The following C1RL variants were observed in gnomAD, a reference collection of about 807,000 sequenced individuals.
The protein encoded by C1RL is complement C1r subcomponent like.
Under a neutral mutation model 27.9 loss-of-function variants are expected in C1RL, and 27 were observed. That is an observed-to-expected ratio of 0.97 (90% CI 0.71 to 1.33). C1RL has a LOEUF of 1.33. Among genes scored for constraint, C1RL ranks in the 40% most tolerant of loss-of-function variants. C1RL has a pLI of 0.00. For synonymous variants in C1RL, 248 were observed against 252.1 expected (o/e 0.98, Z 0.15); for missense variants, 563 against 623.9 (o/e 0.90, Z 1.04).
chr12:7,100,773 C>T (rs757225689), intron 3 of C1RL, among the ~76,000 whole-genome samples: 11 of 151,662 alleles, frequency 7.3e-5, no homozygotes, highest in Non-Finnish European at 1.0e-4. Flanking sequence ...GGCAATAGAG[C>T]GAGACTCTGT....
chr12:7,099,337 G>T (rs1244853043), intron 5 of C1RL: 2 of 320,430 alleles, frequency 6.2e-6, no homozygotes, highest in African/African-American at 4.5e-5. Flanking sequence ...GTGGCATCTA[G>T]GTAGGGAGAT....
rs192233393 is a variant in C1RL at position 7,095,556 on chromosome 12, C to T, written c.*835G>A. The T allele has an allele frequency of 3.0e-5, 30 of 985,984 alleles. No individual in the cohort carries two copies. In the East Asian group the frequency reaches 2.0e-3, roughly 67 times the overall value. The allele number at this position is 985,984 out of a possible 1,614,324, so 61.1% of individuals were successfully genotyped here. A position where few individuals can be genotyped will look rare whatever the true frequency, so the allele number is the denominator to read the frequency against. ...ACCTGGCTTCTGCAGGAGATGGGGCCATTAGGAAAGTGTGAGCTAGAGGAT... is the reference window on the plus strand; with the variant it reads ...ACCTGGCTTCTGCAGGAGATGGGGCTATTAGGAAAGTGTGAGCTAGAGGAT... On this transcript the variant is annotated 3_prime_UTR_variant, in exon 6 of 6. Coordinates refer to ENST00000266542, the MANE Select transcript of C1RL (RefSeq NM_016546.4).
chr12:7,098,967 G>A (rs749241750), intron 5 of C1RL, among the ~76,000 whole-genome samples: 3 of 151,460 alleles, frequency 2.0e-5, no homozygotes, highest in South Asian at 2.1e-4. Flanking sequence ...AGGCTGAGGC[G>A]GGACGATCAC....
At position 7,096,401 on chromosome 12, in the gene C1RL, C is replaced by T; in HGVS notation, c.1454G>A (p.Gly485Asp). ...TTCAAGCCCCCAGGGTCAATTCTTG[C>T]CATTCATCACTCCCTTGATCCAGTC... ...YVDWIKGVMNGKN is the reference protein window; with the variant it reads ...YVDWIKGVMNDKN The change falls in exon 6 of 6, where the codon GGC becomes GAC. Residue 485 changes from glycine to aspartate, a missense_variant. Gly to Asp is a moderately conservative substitution (Grantham distance 94). Coordinates refer to ENST00000266542, the MANE Select transcript of C1RL (RefSeq NM_016546.4). 1 of 1,600,218 alleles carries T rather than the reference C, an allele frequency of 6.2e-7. No individual in the cohort carries two copies. Among genetic ancestry groups the T allele is most frequent in the Non-Finnish European group, 8.5e-7 (1 of 1,171,866 alleles).
intron 2 of C1RL, among the ~76,000 whole-genome samples, chr12:7,106,520 G>A (rs946606062): frequency 6.6e-6 from 1 of 152,134 alleles, no homozygotes; most frequent in Admixed American, 6.5e-5. Context: ...AATGTGTGAC[G>A]GCTTAGAGAG....
chr12:7,108,991 G>C, intron 1 of C1RL, 119 bp downstream of exon 1: 2 of 240,348 alleles, frequency 8.3e-6, no homozygotes, highest in African/African-American at 6.8e-5. Flanking sequence ...GTGTGTGTGG[G>C]GGGGGGGGGG....
intron 2 of C1RL, among the ~76,000 whole-genome samples, chr12:7,106,168 T>A (rs187002562): frequency 6.6e-6 from 1 of 152,252 alleles, no homozygotes; most frequent in Admixed American, 6.5e-5. Flanking sequence ...ATTCCAAAAG[T>A]TCTAGAGAGA....
chr12:7,101,108 TC>T (rs1565636785), intron 3 of C1RL, among the ~76,000 whole-genome samples: 1 of 17,266 alleles, frequency 5.8e-5, no homozygotes. Context: ...CCTCCTTCCT[TC>T]CCTCCCTCCC....
At chr12:7,107,047 T>C (rs1036973159) in intron 2 of C1RL, among the ~76,000 whole-genome samples, 3 of 152,126 alleles carry the variant, frequency 2.0e-5, no homozygotes, top group African/African-American at 4.8e-5. Flanking sequence ...TATTTATACA[T>C]ATGAAGTTAA....
intron 2 of C1RL, among the ~76,000 whole-genome samples, chr12:7,103,612 G>C (rs1025851184): frequency 6.6e-6 from 1 of 152,194 alleles, no homozygotes; most frequent in Non-Finnish European, 1.5e-5. Flanking sequence ...ACATTTACTG[G>C]TTGTGTACTA....
At chr12:7,105,784 T>A (rs1419614563) in intron 2 of C1RL, among the ~76,000 whole-genome samples, 1 of 152,188 alleles carries the variant, frequency 6.6e-6, no homozygotes, top group Admixed American at 6.5e-5. Flanking sequence ...AAAAGGCACA[T>A]TTAGAAAATT....
intron 5 of C1RL, among the ~76,000 whole-genome samples, chr12:7,099,143 T>C (rs1389974393): frequency 7.0e-6 from 1 of 143,698 alleles, no homozygotes; most frequent in African/African-American, 2.6e-5. Context: ...GAGAATCGCT[T>C]GAACCCAGGA....
Position 7,102,051 on chromosome 12 carries a change from C to T in C1RL, c.337G>A (p.Gly113Ser). The change falls in exon 3 of 6, where the codon GGT (glycine) becomes AGT (serine). Residue 113 changes from glycine (G) to serine (S), a missense_variant. Gly to Ser is a moderately conservative substitution (Grantham distance 56). Transcript: ENST00000266542. ...CTGCCCAGAGGGGAGCCTTGCTGAC[C>T]ACAGAACTGGCTTGGATCCGAACCG... Reference protein sequence around the residue: ...FVGSDPSQFCGQQGSPLGRPP... With the variant: ...FVGSDPSQFCSQQGSPLGRPP... The T allele has an allele frequency of 1.2e-6, 2 of 1,613,272 alleles. No individual in the cohort carries two copies. The highest frequency in any genetic ancestry group is 1.7e-6 in the Non-Finnish European group (2 of 1,179,274).
chr12:7,108,973 GTGTGTGTGTGTGTGT>G (rs1333750805), intron 1 of C1RL, 122 bp downstream of exon 1: 158 of 372,082 alleles, frequency 4.2e-4, no homozygotes, highest in Non-Finnish European at 6.1e-4. Context: ...GGAGGTGTGT[GTGTGTGTGTGTGTGT>G]GGGGGGGGGG....
chr12:7,098,870 G>A (rs1331455112), intron 5 of C1RL, among the ~76,000 whole-genome samples: 2 of 152,062 alleles, frequency 1.3e-5, no homozygotes, highest in African/African-American at 2.4e-5. Flanking sequence ...ACAACATTGT[G>A]AACACACTAA....
In C1RL at chr12:7,099,972, T is replaced by C. The variant is rs769444687; in HGVS notation, c.545A>G (p.Asn182Ser). ...SEASRGSEAI[N>S]APGDNPAKVQ... The stretch of plus-strand genomic sequence containing the variant: ...CTTGGCAGGGTTGTCTCCAGGTGCG[T>C]TGATGGCCTCAGAGCCCCTGCTGGC... Residue 182 changes from asparagine to serine, a missense_variant, in exon 4 of 6, where the codon AAC becomes AGC. Transcript: ENST00000266542. 1.4e-5 allele frequency: 22 copies of C among 1,613,896 alleles called. No individual in the cohort carries two copies. The Middle Eastern group carries it at 8.2e-4, about 60-fold the overall frequency.
In C1RL at chr12:7,096,767, T is replaced by C. The variant is rs750845784; in HGVS notation, c.1088A>G (p.Asn363Ser). 2.5e-6 allele frequency: 4 copies of C among 1,608,144 alleles called. No homozygotes were observed. The highest frequency in any genetic ancestry group is 2.5e-6 in the Non-Finnish European group (3 of 1,176,630). The stretch of plus-strand genomic sequence containing the variant: ...CAAGCCGCTGCGGTAGAGGGTCTCA[T>C]TATCGGGCAGACAGACCGGGAGGAC... ...PNVLPVCLPD[N>S]ETLYRSGLLG... The change falls in exon 6 of 6, where the codon AAT (asparagine) becomes AGT (serine). Residue 363 changes from asparagine (N) to serine (S), a missense_variant. Coordinates refer to ENST00000266542, the MANE Select transcript of C1RL (RefSeq NM_016546.4).
At position 7,100,028 on chromosome 12, in the gene C1RL, T is replaced by C. The variant is rs772282857; in HGVS notation, c.491-2A>G. ...TGATGGGCTGACTATAGTTCACAGC[T>C]ATAGGAAAACAGCACCTAGCACAGA... On this transcript the variant is annotated splice_acceptor_variant, in intron 3 of 5. Transcript: ENST00000266542. LOFTEE classifies it high-confidence loss of function. The C allele has an allele frequency of 2.4e-5, 39 of 1,610,570 alleles. No individual in the cohort carries two copies. The South Asian group carries it at 4.0e-4, about 16-fold the overall frequency.
chr12:7,098,683 G>A (rs1003783315), intron 5 of C1RL, among the ~76,000 whole-genome samples: 2 of 152,154 alleles, frequency 1.3e-5, no homozygotes, highest in African/African-American at 4.8e-5. Context: ...AAAACATTAC[G>A]CTAACTGAAA....
Sources: allele counts gnomAD v4.1 joint callset (sites outside exome capture counted in the v4.1 genomes callset), GRCh38; gene constraint gnomAD v4.1.1; transcripts MANE v1.5; gene names NCBI Gene and HGNC (gene_info 2026-07-23, HGNC 2026-07-21).